The following KCNQ1OT1 variants were observed in gnomAD, a reference collection of about 807,000 sequenced individuals.
KCNQ1OT1 encodes KCNQ1 antisense RNA 2 (non-protein coding).
exon 1 of KCNQ1OT1, chr11:2,666,891 C>CT: frequency 2.5e-6 from 1 of 398,662 alleles, no homozygotes; most frequent in Non-Finnish European, 4.4e-6. Flanking sequence ...ACCATTTTGT[C>CT]TTTCTAGACC....
In KCNQ1OT1 at chr11:2,664,296, C is replaced by A; in HGVS notation, n.35699G>T. 1 of 399,110 alleles carries A rather than the reference C, an allele frequency of 2.5e-6. No homozygotes were observed. The highest frequency in any genetic ancestry group is 4.4e-6 in the Non-Finnish European group (1 of 226,472). 24.7% of individuals were successfully genotyped at this position (399,110 alleles called of 1,614,324 possible). On this transcript the variant is annotated non_coding_transcript_exon_variant, in exon 1 of 1. Coordinates refer to ENST00000597346, the Ensembl canonical transcript of KCNQ1OT1. This position sits in a 1 kb window ranked among gnomAD's most constrained non-coding sequence, Gnocchi z 5.1. ...TTGCTGCAAAGGGGCCACCTTGAGG[C>A]ATTGTGTTCTGGTCAGGGAAGACTC...
At position 2,670,723 on chromosome 11, in the gene KCNQ1OT1, A is replaced by G; in HGVS notation, n.29272T>C. The G allele has an allele frequency of 2.5e-6, 1 of 398,584 alleles. No individual in the cohort carries two copies. The highest frequency in any genetic ancestry group is 4.4e-6 in the Non-Finnish European group (1 of 226,100). The allele number at this position is 398,584 out of a possible 1,614,324, so 24.7% of individuals were successfully genotyped here. A position where few individuals can be genotyped will look rare whatever the true frequency, so the allele number is the denominator to read the frequency against. ...TTCTGTGGCCCATGGAGCAGGAGGG[A>G]ACAGTCTGCAGATATTATCTGGGCA... On this transcript the variant is annotated non_coding_transcript_exon_variant, in exon 1 of 1. Transcript: ENST00000597346. This position sits in a 1 kb window ranked among gnomAD's most constrained non-coding sequence, Gnocchi z 4.9.
Position 2,623,588 on chromosome 11 carries a change from C to A in KCNQ1OT1, n.76407G>T, listed in dbSNP as rs1186126546. The A allele has an allele frequency of 7.5e-6, 3 of 398,370 alleles. No individual in the cohort carries two copies. Among genetic ancestry groups the A allele is most frequent in the Non-Finnish European group, 1.3e-5 (3 of 226,024 alleles). 24.7% of individuals were successfully genotyped at this position (398,370 alleles called of 1,614,324 possible). A position where few individuals can be genotyped will look rare whatever the true frequency, so the allele number is the denominator to read the frequency against. ...TTTTTTAATTACCTCCATATCTTTT[C>A]ATGGCTTGATAGCTCATTTCTATTT... On this transcript the variant is annotated non_coding_transcript_exon_variant, in exon 1 of 1. Coordinates refer to ENST00000597346, the Ensembl canonical transcript of KCNQ1OT1. This position sits in a 1 kb window ranked among gnomAD's most constrained non-coding sequence, Gnocchi z 5.2.
At position 2,613,143 on chromosome 11, in the gene KCNQ1OT1, G is replaced by A. The variant is rs1362119285; in HGVS notation, n.86852C>T. 1 of 398,408 alleles carries A rather than the reference G, an allele frequency of 2.5e-6. No homozygotes were observed. Among genetic ancestry groups the A allele is most frequent in the African/African-American group, 2.1e-5 (1 of 48,580 alleles). 24.7% of individuals were successfully genotyped at this position (398,408 alleles called of 1,614,324 possible). A position where few individuals can be genotyped will look rare whatever the true frequency, so the allele number is the denominator to read the frequency against. ...GTGAATCTTCCACCCTCTGCTGAGG[G>A]GATCTATGTGTGGGTTGGGACATTC... is the stretch of plus-strand genomic sequence containing the variant. On this transcript the variant is annotated non_coding_transcript_exon_variant, in exon 1 of 1. Transcript: ENST00000597346. The surrounding 1 kb of genome is among the most constrained non-coding windows in gnomAD (Gnocchi z 4.8).
Position 2,683,960 on chromosome 11 carries a change from CTTTTT to C in KCNQ1OT1, n.16030_16034del, listed in dbSNP as rs560196106. 1 of 386,908 alleles carries C rather than the reference CTTTTT, an allele frequency of 2.6e-6. No homozygotes were observed. The highest frequency in any genetic ancestry group is 4.5e-6 in the Non-Finnish European group (1 of 221,128). The allele number at this position is 386,908 out of a possible 1,614,324, so 24.0% of individuals were successfully genotyped here. A position where few individuals can be genotyped will look rare whatever the true frequency, so the allele number is the denominator to read the frequency against. On this transcript the variant is annotated non_coding_transcript_exon_variant, in exon 1 of 1. Transcript: ENST00000597346. This position sits in a 1 kb window ranked among gnomAD's most constrained non-coding sequence, Gnocchi z 4.7. ...AGACAAAACCAGCTGACTGCTTTTA[CTTTTT>C]TTTTTTTTTCATTTAGAAGAATTTC...
chr11:2,673,133 G>A lies in KCNQ1OT1; in HGVS notation n.26862C>T. 2.5e-6 allele frequency: 1 copy of A among 398,792 alleles called. No individual in the cohort carries two copies. Among genetic ancestry groups the A allele is most frequent in the Non-Finnish European group, 4.4e-6 (1 of 226,212 alleles). The allele number at this position is 398,792 out of a possible 1,614,324, so 24.7% of individuals were successfully genotyped here. A position where few individuals can be genotyped will look rare whatever the true frequency, so the allele number is the denominator to read the frequency against. On this transcript the variant is annotated non_coding_transcript_exon_variant, in exon 1 of 1. Transcript: ENST00000597346. The surrounding 1 kb of genome is among the most constrained non-coding windows in gnomAD (Gnocchi z 4.5). ...CCCCAGCAGGCAGCATCAGGGCAGGGGTGCTGACCATCCCTGACCCAAGCA... is the reference window on the plus strand; with the variant it reads ...CCCCAGCAGGCAGCATCAGGGCAGGAGTGCTGACCATCCCTGACCCAAGCA...
chr11:2,671,388 A>G lies in KCNQ1OT1; in HGVS notation n.28607T>C. Reference sequence around the variant, plus strand: ...TGAAAAAGGTACAGGAACACCTGGCATGCCTCTCCCAGGGTACTCTGGATG... The same window carrying G: ...TGAAAAAGGTACAGGAACACCTGGCGTGCCTCTCCCAGGGTACTCTGGATG... On this transcript the variant is annotated non_coding_transcript_exon_variant, in exon 1 of 1. Coordinates refer to ENST00000597346, the Ensembl canonical transcript of KCNQ1OT1. This position sits in a 1 kb window ranked among gnomAD's most constrained non-coding sequence, Gnocchi z 4.7. 2 of 398,564 alleles carry G rather than the reference A, an allele frequency of 5.0e-6. No homozygotes were observed. The highest frequency in any genetic ancestry group is 8.8e-6 in the Non-Finnish European group (2 of 226,064). 24.7% of individuals were successfully genotyped at this position (398,564 alleles called of 1,614,324 possible).
At chr11:2,628,194 T>G (rs977591151) in exon 1 of KCNQ1OT1, 2 of 398,520 alleles carry the variant, frequency 5.0e-6, no homozygotes, top group Non-Finnish European at 8.8e-6. Flanking sequence ...CAATTTTAAT[T>G]TTTTAAAGAA....
At chr11:2,634,313 TCC>T (rs1849416077) in exon 1 of KCNQ1OT1, 15 of 5,898 alleles carry the variant, frequency 2.5e-3, no homozygotes, top group Non-Finnish European at 4.8e-3. Flanking sequence ...ATGCTTTCCC[TCC>T]CCCCTCCCCC....
exon 1 of KCNQ1OT1, chr11:2,681,186 G>T (rs1590028367): frequency 2.5e-6 from 1 of 398,626 alleles, no homozygotes; most frequent in East Asian, 3.6e-5. Context: ...TTTGGAAAAA[G>T]TCATTTTTGC....
chr11:2,668,842 G>A lies in KCNQ1OT1; in HGVS notation n.31153C>T, dbSNP rs1166997483. On this transcript the variant is annotated non_coding_transcript_exon_variant, in exon 1 of 1. Transcript: ENST00000597346. The surrounding 1 kb of genome is among the most constrained non-coding windows in gnomAD (Gnocchi z 4.3). ...AATCAAACATTTCCTCTCTGGATAG[G>A]GCTGTTTGTGTCCTATTTAAGAAAC... The A allele has an allele frequency of 5.0e-6, 2 of 398,446 alleles. No individual in the cohort carries two copies. The allele number at this position is 398,446 out of a possible 1,614,324, so 24.7% of individuals were successfully genotyped here.
chr11:2,637,173 C>CT (rs1849485594), exon 1 of KCNQ1OT1: 1 of 151,722 alleles, frequency 6.6e-6, no homozygotes, highest in East Asian at 1.9e-4. Context: ...TTTTGTGTCT[C>CT]TATCTCCTTC....
At chr11:2,686,537 A>G in exon 1 of KCNQ1OT1, 1 of 398,688 alleles carries the variant, frequency 2.5e-6, no homozygotes, top group Non-Finnish European at 4.4e-6. Flanking sequence ...GACAGCTCCC[A>G]GCCCTGGGCA....
chr11:2,637,671 T>G (rs1035267543), exon 1 of KCNQ1OT1: 8 of 152,180 alleles, frequency 5.3e-5, no homozygotes, highest in Admixed American at 2.0e-4. Flanking sequence ...TTGATTTGGG[T>G]TGGAATGTTC....
Position 2,626,681 on chromosome 11 carries a change from A to G in KCNQ1OT1, n.73314T>C, listed in dbSNP as rs144152965. 1 of 398,186 alleles carries G rather than the reference A, an allele frequency of 2.5e-6. No homozygotes were observed. Among genetic ancestry groups the G allele is most frequent in the African/African-American group, 2.1e-5 (1 of 48,414 alleles). 24.7% of individuals were successfully genotyped at this position (398,186 alleles called of 1,614,324 possible). A position where few individuals can be genotyped will look rare whatever the true frequency, so the allele number is the denominator to read the frequency against. On this transcript the variant is annotated non_coding_transcript_exon_variant, in exon 1 of 1. Transcript: ENST00000597346. This position sits in a 1 kb window ranked among gnomAD's most constrained non-coding sequence, Gnocchi z 4.0. ...GTAGCTGGGAATAGAAGTGTGTACC[A>G]TTACACCTGGCCAATTATTTTATTT... is the stretch of plus-strand genomic sequence containing the variant.
chr11:2,665,834 C>T (rs1185398870), exon 1 of KCNQ1OT1: 2 of 398,506 alleles, frequency 5.0e-6, no homozygotes, highest in Non-Finnish European at 8.8e-6. Flanking sequence ...AGTGCTGAGG[C>T]ACAGGGCTAG....
chr11:2,640,186 T>C, exon 1 of KCNQ1OT1: 1 of 389,498 alleles, frequency 2.6e-6, no homozygotes, highest in Non-Finnish European at 4.5e-6. Context: ...CTACTTCGTC[T>C]CACACTCAGT....
exon 1 of KCNQ1OT1, chr11:2,667,664 G>A: frequency 2.5e-6 from 1 of 398,670 alleles, no homozygotes; most frequent in Non-Finnish European, 4.4e-6. Context: ...TTGAACTGCA[G>A]AGCCTCTGGA....
chr11:2,624,113 A>G lies in KCNQ1OT1; in HGVS notation n.75882T>C, dbSNP rs1395001310. The G allele has an allele frequency of 2.5e-6, 1 of 398,462 alleles. No individual in the cohort carries two copies. The allele number at this position is 398,462 out of a possible 1,614,324, so 24.7% of individuals were successfully genotyped here. A position where few individuals can be genotyped will look rare whatever the true frequency, so the allele number is the denominator to read the frequency against. On this transcript the variant is annotated non_coding_transcript_exon_variant, in exon 1 of 1. Transcript: ENST00000597346. This position sits in a 1 kb window ranked among gnomAD's most constrained non-coding sequence, Gnocchi z 4.9. ...AGTGTTTTGAATTTTGGCCATTCTA[A>G]TAAGCGTGTAGATATATCACATTTC...
Sources: allele counts gnomAD v4.1 joint callset, GRCh38; gene constraint gnomAD v4.1.1; non-coding constraint Gnocchi (gnomAD v3.1); transcripts MANE v1.5; gene names NCBI Gene and HGNC (gene_info 2026-07-23, HGNC 2026-07-21).